HMGCS1: variants seen among roughly 807,000 people sequenced by gnomAD.
HMGCS1 encodes the protein hydroxymethylglutaryl-CoA synthase, cytoplasmic.
A neutral mutation model predicts 52.3 loss-of-function variants in HMGCS1; 9 were observed. That is an observed-to-expected ratio of 0.17 (90% CI 0.10 to 0.30). The LOEUF (loss-of-function observed/expected upper bound fraction) is 0.30. Among genes scored for constraint, HMGCS1 ranks in the 10% least tolerant of loss-of-function variants. HMGCS1 has a pLI of 1.00. For synonymous variants in HMGCS1, 176 were observed against 214.4 expected, an observed-to-expected ratio of 0.82 and a Z score of 1.57; for missense variants, 320 against 620.9, an observed-to-expected ratio of 0.52 and a Z score of 5.15.
chr5:43,308,031 A>G (rs1325148861), intron 1 of HMGCS1, among the ~76,000 whole-genome samples: 1 of 152,204 alleles, frequency 6.6e-6, no homozygotes, highest in Non-Finnish European at 1.5e-5. Context: ...CTTATAGTGA[A>G]AGGTTCAGTC....
Position 43,298,916 on chromosome 5 carries a change from A to C in HMGCS1, c.50T>G (p.Val17Gly). 2 of 1,614,060 alleles carry C rather than the reference A, an allele frequency of 1.2e-6. No homozygotes were observed. The highest frequency in any genetic ancestry group is 2.2e-5 in the South Asian group (2 of 91,082). ...ATAGATCTCAAGGGCAACAATTCCCACATCTTTTGGCCAGCAAGCTTCTGC... is the reference window on the plus strand; with the variant it reads ...ATAGATCTCAAGGGCAACAATTCCCCCATCTTTTGGCCAGCAAGCTTCTGC... Reference protein sequence around the residue: ...LNAEACWPKDVGIVALEIYFP... With the variant: ...LNAEACWPKDGGIVALEIYFP... The change falls in exon 3 of 11, where the codon GTG becomes GGG. Residue 17 changes from valine to glycine, a missense_variant. Around this residue, in one of 3 missense-constraint regions of HMGCS1, gnomAD observed 22 missense variants for 23.5 expected, o/e 0.94. Transcript: ENST00000325110. This position sits in a 1 kb window ranked among gnomAD's most constrained non-coding sequence, Gnocchi z 5.6.
intron 5 of HMGCS1, 86 bp downstream of exon 5, chr5:43,296,916 C>A: frequency 1.1e-6 from 1 of 929,726 alleles, no homozygotes; most frequent in Admixed American, 2.5e-5. Context: ...GAAGAATGCC[C>A]ACAAAGTAGT....
intron 8 of HMGCS1, 86 bp from the exon 9 acceptor site, chr5:43,293,059 G>A (rs2111635896): frequency 9.0e-7 from 1 of 1,109,170 alleles, no homozygotes; most frequent in African/African-American, 1.6e-5. Context: ...GCCAAATGAG[G>A]CAAAACAACT....
Position 43,298,972 on chromosome 5 carries a change from A to C in HMGCS1, c.-7T>G. ...AAGGAAGTGATCCAGGCATGGTGAAAGAGCTTTAGAAAGGAGAAACAGAAA... is the reference window on the plus strand; with the variant it reads ...AAGGAAGTGATCCAGGCATGGTGAACGAGCTTTAGAAAGGAGAAACAGAAA... On this transcript the variant is annotated 5_prime_UTR_variant, in exon 3 of 11. Coordinates refer to ENST00000325110, the MANE Select transcript of HMGCS1 (RefSeq NM_001098272.3). The surrounding 1 kb of genome is among the most constrained non-coding windows in gnomAD (Gnocchi z 5.6). The C allele has an allele frequency of 6.3e-7, 1 of 1,596,220 alleles. No homozygotes were observed.
At chr5:43,300,982 A>G (rs940364698) in intron 2 of HMGCS1, among the ~76,000 whole-genome samples, 2 of 152,288 alleles carry the variant, frequency 1.3e-5, no homozygotes, top group Admixed American at 1.3e-4. Flanking sequence ...TTATGGGACA[A>G]TAAGAGAAAA....
chr5:43,294,696 T>A lies in HMGCS1; in HGVS notation c.1071A>T (p.Leu357=). The A allele has an allele frequency of 6.2e-7, 1 of 1,606,944 alleles. No individual in the cohort carries two copies. Among genetic ancestry groups the A allele is most frequent in the Non-Finnish European group, 8.5e-7 (1 of 1,175,820 alleles). The stretch of plus-strand genomic sequence containing the variant: ...TAGGTGAAATTTATACTTACTGTGC[T>A]AGAACAGATGCAAGGGAACCATATA... ...SSVYGSLASV[L]AQYSPQQLAG... Residue 357 remains leucine, a synonymous_variant, in exon 7 of 11, where the codon CTA becomes CTT. Coordinates refer to ENST00000325110, the MANE Select transcript of HMGCS1 (RefSeq NM_001098272.3).
At chr5:43,302,464 C>CATT (rs1298863873) in intron 2 of HMGCS1, among the ~76,000 whole-genome samples, 1 of 152,178 alleles carries the variant, frequency 6.6e-6, no homozygotes, top group African/African-American at 2.4e-5. Flanking sequence ...TTACCTTTTG[C>CATT]ATTTCTTGCC....
intron 5 of HMGCS1, among the ~76,000 whole-genome samples, chr5:43,296,277 T>C (rs1417884958): frequency 3.3e-5 from 5 of 152,164 alleles, no homozygotes; most frequent in Non-Finnish European, 7.4e-5. Flanking sequence ...GTCATGACAT[T>C]TTTGTTTCAG....
At chr5:43,296,776 G>A (rs944574939) in intron 5 of HMGCS1, among the ~76,000 whole-genome samples, 5 of 152,042 alleles carry the variant, frequency 3.3e-5, no homozygotes, top group Admixed American at 2.6e-4. Flanking sequence ...GGGGTAAACC[G>A]ACCTAAATAT....
intron 1 of HMGCS1, among the ~76,000 whole-genome samples, chr5:43,311,491 T>C (rs557545923): frequency 5.3e-5 from 8 of 152,324 alleles, no homozygotes; most frequent in African/African-American, 1.7e-4. Context: ...TATTCCTTTC[T>C]AAATGAAACT....
chr5:43,298,671 C>T lies in HMGCS1; in HGVS notation c.295G>A (p.Asp99Asn), dbSNP rs1388459941. The change falls in exon 3 of 11, where the codon GAC becomes AAC. Residue 99 changes from aspartate to asparagine, a missense_variant. By Grantham distance (23) the Asp-to-Asn change is conservative. This residue lies in a region of HMGCS1 where 85 missense variants were observed against 260.0 expected (regional missense o/e 0.33). Transcript: ENST00000325110. This position sits in a 1 kb window ranked among gnomAD's most constrained non-coding sequence, Gnocchi z 5.6. ...RLEVGTETII[D>N]KSKSVKTNLM... Reference sequence around the variant, plus strand: ...TTAGTCTTCACAGACTTTGATTTGTCGATGATTGTCTCTGTTCCAACTTCC... The same window carrying T: ...TTAGTCTTCACAGACTTTGATTTGTTGATGATTGTCTCTGTTCCAACTTCC... 1 of 1,614,182 alleles carries T rather than the reference C, an allele frequency of 6.2e-7. No homozygotes were observed. The highest frequency in any genetic ancestry group is 8.5e-7 in the Non-Finnish European group (1 of 1,180,034).
chr5:43,312,635 T>C (rs1275730584), intron 1 of HMGCS1, among the ~76,000 whole-genome samples: 2 of 152,050 alleles, frequency 1.3e-5, no homozygotes, highest in African/African-American at 4.8e-5. Flanking sequence ...CCGAAGGTAT[T>C]AGTAGGAGAG....
At chr5:43,305,918 A>G (rs1754550926) in intron 2 of HMGCS1, among the ~76,000 whole-genome samples, 1 of 152,052 alleles carries the variant, frequency 6.6e-6, no homozygotes, top group South Asian at 2.1e-4. Flanking sequence ...GCATTTTATT[A>G]TTTTCAGAGT....
chr5:43,293,019 C>A (rs748568088), intron 8 of HMGCS1, 46 bp from the exon 9 acceptor site: 2 of 1,517,982 alleles, frequency 1.3e-6, no homozygotes, highest in Non-Finnish European at 1.8e-6. Flanking sequence ...TTTGAAAAAT[C>A]ATGTCCAAAA....
At chr5:43,300,802 GAAA>G (rs34564699) in intron 2 of HMGCS1, among the ~76,000 whole-genome samples, 63 of 120,406 alleles carry the variant, frequency 5.2e-4, no homozygotes, top group Middle Eastern at 4.2e-3. Flanking sequence ...ATAGAGAAAG[GAAA>G]AAAAAAAAAA....
intron 1 of HMGCS1, among the ~76,000 whole-genome samples, chr5:43,308,737 A>C (rs549082674): frequency 6.6e-6 from 1 of 152,284 alleles, no homozygotes; most frequent in South Asian, 2.1e-4. Context: ...ATTACTGGCA[A>C]ATTTAGCATC....
rs760275228 is a variant in HMGCS1, at chr5:43,298,173, A to T, written c.449-39T>A. The T allele has an allele frequency of 1.3e-6, 2 of 1,564,672 alleles. No homozygotes were observed. Among genetic ancestry groups the T allele is most frequent in the Admixed American group, 1.8e-5 (1 of 54,864 alleles). On this transcript the variant is annotated intron_variant, in intron 3 of 10. Transcript: ENST00000325110. This position sits in a 1 kb window ranked among gnomAD's most constrained non-coding sequence, Gnocchi z 5.6. ...TTTGTTATTTCACAAGAAGGAATTCAACACTATAACCAAACATGGAAACTG... is the reference window on the plus strand; with the variant it reads ...TTTGTTATTTCACAAGAAGGAATTCTACACTATAACCAAACATGGAAACTG...
intron 10 of HMGCS1, among the ~76,000 whole-genome samples, chr5:43,291,987 CTTTTT>C (rs537398917): frequency 2.4e-5 from 2 of 83,114 alleles, no homozygotes; most frequent in Non-Finnish European, 4.2e-5. Flanking sequence ...ACTGTATATT[CTTTTT>C]TTTTTTTTTT....
chr5:43,312,612 C>T (rs1329251992), intron 1 of HMGCS1, among the ~76,000 whole-genome samples: 5 of 152,176 alleles, frequency 3.3e-5, no homozygotes, highest in African/African-American at 1.2e-4. Flanking sequence ...CACTGTATCA[C>T]CTAAAGCTGG....
Sources: gnomAD v4.1 joint callset for allele counts (sites outside exome capture counted in the v4.1 genomes callset) on GRCh38, gnomAD v4.1.1 for gene constraint, gnomAD v4.1.1 regional missense constraint, Gnocchi (gnomAD v3.1) non-coding constraint, MANE v1.5 for transcripts, NCBI Gene and HGNC (gene_info 2026-07-23, HGNC 2026-07-21) for gene names.